CBR4: variants seen among roughly 807,000 people sequenced by gnomAD.
CBR4 encodes carbonyl reductase 4, also known as 3-oxoacyl-[acyl-carrier-protein] reductase.
In CBR4, 22 loss-of-function variants were observed where a neutral mutation model predicts 21.0. The ratio of observed to expected loss-of-function variants is 1.05; its 90% confidence interval spans 0.75 to 1.50. The LOEUF is 1.50. Ranked by LOEUF, CBR4 falls within the 40% of genes most tolerant of loss-of-function variation. CBR4 has a pLI of 0.00. For synonymous variants in CBR4, 100 were observed against 104.4 expected (o/e 0.96, Z 0.26); for missense variants, 302 against 286.3 (o/e 1.05, Z -0.40).
intron 2 of CBR4, among the ~76,000 whole-genome samples, chr4:168,947,275 C>T (rs1763419073): frequency 6.6e-6 from 1 of 152,126 alleles, no homozygotes; most frequent in African/African-American, 2.4e-5. Context: ...CTTTTTCTTA[C>T]AATTTATCTA....
chr4:168,947,593 G>A (rs934041112), intron 2 of CBR4, among the ~76,000 whole-genome samples: 1 of 152,000 alleles, frequency 6.6e-6, no homozygotes, highest in Non-Finnish European at 1.5e-5. Context: ...ATGCCCTTGC[G>A]TCCTCATAGC....
chr4:168,895,101 T>C (rs764493814), intron 2 of CBR4, among the ~76,000 whole-genome samples: 14 of 152,118 alleles, frequency 9.2e-5, no homozygotes, highest in Admixed American at 3.3e-4. Context: ...AACCCACATA[T>C]GGCCGGGCAC....
intron 2 of CBR4, among the ~76,000 whole-genome samples, chr4:168,899,052 A>G (rs1053892605): frequency 6.6e-6 from 1 of 152,074 alleles, no homozygotes; most frequent in African/African-American, 2.4e-5. Context: ...AGAGCTGGTG[A>G]GTGGCCAGGC....
At position 168,922,102 on chromosome 4, in the gene CBR4, TAC is replaced by T. The variant is rs35503011; in HGVS notation, n.170-27339_170-27338del. Among the ~76,000 whole-genome samples, 776 of 132,596 alleles carry T rather than the reference TAC, an allele frequency of 5.9e-3. 3 individuals carry two copies. The highest frequency in any genetic ancestry group is 0.018 in the South Asian group (77 of 4,194). 87.0% of individuals were successfully genotyped at this position (132,596 alleles called of 152,430 possible). Reference sequence around the variant, plus strand: ...TTTTATATTTATATATATATATATATACACACACACACACACACACACACACA... The same window carrying T: ...TTTTATATTTATATATATATATATATACACACACACACACACACACACACA... On this transcript the variant is annotated intron_variant and non_coding_transcript_variant, in intron 2 of 3. Transcript: ENST00000509108.
At chr4:168,918,854 C>T (rs890967741) in intron 2 of CBR4, among the ~76,000 whole-genome samples, 1 of 151,740 alleles carries the variant, frequency 6.6e-6, no homozygotes, top group Non-Finnish European at 1.5e-5. Flanking sequence ...TTTGAGTTAA[C>T]CAGGGAAATT....
At chr4:168,949,571 C>A (rs1336416800) in intron 2 of CBR4, among the ~76,000 whole-genome samples, 1 of 152,032 alleles carries the variant, frequency 6.6e-6, no homozygotes, top group Non-Finnish European at 1.5e-5. Flanking sequence ...GAGTTTTAAT[C>A]ATAAAGGGAT....
chr4:168,979,051 C>G (rs1294849417), intron 2 of CBR4, among the ~76,000 whole-genome samples: 1 of 152,124 alleles, frequency 6.6e-6, no homozygotes, highest in Non-Finnish European at 1.5e-5. Flanking sequence ...GCCTCCAGCA[C>G]AGCATAGCAT....
At chr4:168,956,269 A>G (rs1417152653) in intron 2 of CBR4, among the ~76,000 whole-genome samples, 1 of 152,120 alleles carries the variant, frequency 6.6e-6, no homozygotes, top group Non-Finnish European at 1.5e-5. Flanking sequence ...CCCCAGATAC[A>G]GGGAGGACCC....
At chr4:168,932,795 A>G (rs969287173) in intron 2 of CBR4, among the ~76,000 whole-genome samples, 5 of 152,206 alleles carry the variant, frequency 3.3e-5, no homozygotes, top group African/African-American at 1.2e-4. Flanking sequence ...AAAGAAAAAT[A>G]TTGCCAGTAA....
chr4:168,998,383 A>G (rs556176541), intron 4 of CBR4, among the ~76,000 whole-genome samples: 2 of 152,300 alleles, frequency 1.3e-5, no homozygotes, highest in East Asian at 3.9e-4. Context: ...TAAAACAAAC[A>G]TCATTTTCTG....
At chr4:169,008,596 C>T (rs1256067078) in intron 1 of CBR4, among the ~76,000 whole-genome samples, 1 of 152,178 alleles carries the variant, frequency 6.6e-6, no homozygotes, top group Non-Finnish European at 1.5e-5. Flanking sequence ...AAACCAATCA[C>T]TCATGGAACA....
chr4:168,973,790 G>A (rs986209903), intron 2 of CBR4, among the ~76,000 whole-genome samples: 1 of 152,170 alleles, frequency 6.6e-6, no homozygotes, highest in South Asian at 2.1e-4. Flanking sequence ...TATATTTCCA[G>A]GAATGTATCT....
Position 168,913,359 on chromosome 4 carries a change from G to A in CBR4, n.170-18594C>T, listed in dbSNP as rs560856597. Among the ~76,000 whole-genome samples the A allele has an allele frequency of 6.0e-3, 918 of 152,052 alleles. 15 individuals are homozygous for A. Among genetic ancestry groups the A allele is most frequent in the African/African-American group, 0.021 (871 of 41,492 alleles). On this transcript the variant is annotated intron_variant and non_coding_transcript_variant, in intron 2 of 3. Coordinates refer to the CBR4 transcript ENST00000509108. ...TCACCATATTGGCCAGGCTGGGCTCGAACTCCTGACCTCGTGATCCACCTG... is the reference window on the plus strand; with the variant it reads ...TCACCATATTGGCCAGGCTGGGCTCAAACTCCTGACCTCGTGATCCACCTG...
intron 4 of CBR4, among the ~76,000 whole-genome samples, chr4:168,991,875 T>C (rs1353923994): frequency 6.6e-6 from 1 of 152,228 alleles, no homozygotes; most frequent in East Asian, 1.9e-4. Flanking sequence ...GAAGTAAACA[T>C]TTAATGTGCA....
chr4:168,969,982 C>A (rs1369842339), intron 2 of CBR4, among the ~76,000 whole-genome samples: 4 of 152,176 alleles, frequency 2.6e-5, no homozygotes, highest in African/African-American at 9.7e-5. Flanking sequence ...TTCATGTGGT[C>A]TTGATTTGCA....
chr4:168,928,803 T>C (rs1203507889), intron 2 of CBR4, among the ~76,000 whole-genome samples: 1 of 152,170 alleles, frequency 6.6e-6, no homozygotes, highest in African/African-American at 2.4e-5. Context: ...GTGGTGAGAA[T>C]CTCCTTCACC....
intron 3 of CBR4, chr4:169,005,375 G>A (rs1249704457): frequency 6.5e-6 from 1 of 152,708 alleles, no homozygotes; most frequent in Non-Finnish European, 1.5e-5. Context: ...TGCTTTAGCA[G>A]CTTTGATTCG....
chr4:168,949,921 T>C (rs1763493612), intron 2 of CBR4, among the ~76,000 whole-genome samples: 1 of 152,198 alleles, frequency 6.6e-6, no homozygotes. Context: ...CATAGTAGCC[T>C]TGAATAATCT....
intron 2 of CBR4, chr4:168,924,275 C>A: frequency 1.2e-6 from 2 of 1,613,946 alleles, no homozygotes; most frequent in Non-Finnish European, 1.7e-6. Flanking sequence ...ACACAAACCC[C>A]CTGTGTTTAT....
Sources: gnomAD v4.1 joint callset for allele counts (sites outside exome capture counted in the v4.1 genomes callset) on GRCh38, gnomAD v4.1.1 for gene constraint, MANE v1.5 for transcripts, NCBI Gene and HGNC (gene_info 2026-07-23, HGNC 2026-07-21) for gene names.